LIPI: variants seen among roughly 807,000 people sequenced by gnomAD.
LIPI encodes the protein lipase member I.
LIPI carries 59 observed loss-of-function variants against 50.6 expected under a neutral mutation model. The observed-to-expected ratio is 1.16, with a 90% CI of 0.94 to 1.45. LIPI has a LOEUF of 1.45. Ranked by LOEUF, LIPI falls within the 40% of genes most tolerant of loss-of-function variation. LIPI has a pLI of 0.00. For missense variants in LIPI, 586 were observed against 536.3 expected, an observed-to-expected ratio of 1.09 and a Z score of -0.92; for synonymous variants, 203 against 178.2, an observed-to-expected ratio of 1.14 and a Z score of -1.11.
chr21:14,157,605 G>C (rs192105373), intron 7 of LIPI, among the ~76,000 whole-genome samples: 2 of 151,830 alleles, frequency 1.3e-5, no homozygotes, highest in Non-Finnish European at 2.9e-5. Context: ...CCTGGAAAAC[G>C]TCTACAAACA....
intron 1 of LIPI, among the ~76,000 whole-genome samples, chr21:14,209,237 C>T (rs79018388): frequency 0.02 from 3,058 of 152,236 alleles, 103 homozygotes; most frequent in African/African-American, 0.07. Flanking sequence ...CTCTCCTCTC[C>T]CATTTTATTC....
chr21:14,172,926 A>G (rs1357133623), intron 4 of LIPI, among the ~76,000 whole-genome samples: 1 of 152,216 alleles, frequency 6.6e-6, no homozygotes, highest in Non-Finnish European at 1.5e-5. Context: ...AGTCGAAAAT[A>G]CTTTATAGTG....
chr21:14,193,565 A>G (rs543193112), intron 1 of LIPI, among the ~76,000 whole-genome samples: 7 of 152,300 alleles, frequency 4.6e-5, no homozygotes, highest in Admixed American at 6.5e-5. Flanking sequence ...TATTCAATGC[A>G]AAATGTAACT....
intron 8 of LIPI, among the ~76,000 whole-genome samples, chr21:14,150,403 TG>T (rs1212573831): frequency 6.6e-6 from 1 of 152,224 alleles, no homozygotes; most frequent in Non-Finnish European, 1.5e-5. Flanking sequence ...GATTCTTCTC[TG>T]GGCTCCAACA....
chr21:14,167,732 G>C (rs2018743313), intron 4 of LIPI, among the ~76,000 whole-genome samples: 1 of 152,012 alleles, frequency 6.6e-6, no homozygotes, highest in Non-Finnish European at 1.5e-5. Context: ...CATCATCAAA[G>C]ACCAAAAGTA....
chr21:14,172,601 T>C (rs1221206216), intron 4 of LIPI, among the ~76,000 whole-genome samples: 3 of 149,594 alleles, frequency 2.0e-5, no homozygotes, highest in African/African-American at 4.9e-5. Flanking sequence ...TCATTCTCGG[T>C]AAACTATCGC....
intron 9 of LIPI, among the ~76,000 whole-genome samples, chr21:14,127,891 G>C (rs564787093): frequency 2.6e-5 from 4 of 152,066 alleles, no homozygotes. Context: ...CATATGTATA[G>C]ATATTAACTA....
intron 9 of LIPI, among the ~76,000 whole-genome samples, chr21:14,122,991 G>A (rs530904764): frequency 7.7e-4 from 118 of 152,288 alleles, no homozygotes; most frequent in Non-Finnish European, 1.3e-3. Context: ...TCAGCTAGCT[G>A]AAAGTATTGC....
chr21:14,172,261 T>C (rs2018940475), intron 4 of LIPI, among the ~76,000 whole-genome samples: 7 of 151,838 alleles, frequency 4.6e-5, no homozygotes, highest in Admixed American at 2.0e-4. Context: ...ACTTTTACAC[T>C]GTTGGTGGAA....
intron 1 of LIPI, chr21:14,206,946 C>T: frequency 7.0e-7 from 1 of 1,435,740 alleles, no homozygotes; most frequent in Non-Finnish European, 9.8e-7. Flanking sequence ...ATCAGAAGTT[C>T]ACTAGCTCTT....
At chr21:14,161,261 C>T (rs2018450756) in intron 7 of LIPI, among the ~76,000 whole-genome samples, 1 of 149,154 alleles carries the variant, frequency 6.7e-6, no homozygotes, top group Non-Finnish European at 1.5e-5. Context: ...GTGGCACATC[C>T]TGTATCTATG....
At chr21:14,177,561 ATTTTCTTGCTTC>A (rs2019138590) in intron 4 of LIPI, among the ~76,000 whole-genome samples, 2 of 151,628 alleles carry the variant, frequency 1.3e-5, no homozygotes, top group South Asian at 4.2e-4. Context: ...TTTGTCCTTC[ATTTTCTTGCTTC>A]TTTTCTTGCT....
At chr21:14,130,225 A>G (rs192916725) in intron 9 of LIPI, among the ~76,000 whole-genome samples, 99 of 152,310 alleles carry the variant, frequency 6.5e-4, no homozygotes, top group Non-Finnish European at 1.2e-3. Flanking sequence ...CTGTAACCCC[A>G]GCTGTTTGGG....
chr21:14,138,181 C>T (rs2017574623), intron 9 of LIPI, among the ~76,000 whole-genome samples: 1 of 151,342 alleles, frequency 6.6e-6, no homozygotes, highest in African/African-American at 2.4e-5. Flanking sequence ...AAATATGCAC[C>T]TGAACCCCCT....
intron 1 of LIPI, among the ~76,000 whole-genome samples, chr21:14,199,388 C>G (rs374961859): frequency 6.6e-6 from 1 of 151,274 alleles, no homozygotes; most frequent in East Asian, 1.9e-4. Context: ...GTCAAATAAA[C>G]GGAATCAGTA....
At chr21:14,133,826 C>T (rs943706196) in intron 9 of LIPI, among the ~76,000 whole-genome samples, 1 of 152,170 alleles carries the variant, frequency 6.6e-6, no homozygotes, top group African/African-American at 2.4e-5. Flanking sequence ...TGTTTCTATA[C>T]ATCAATAATG....
chr21:14,163,389 G>T, intron 7 of LIPI, 30 bp downstream of exon 7: 1 of 1,064,246 alleles, frequency 9.4e-7, no homozygotes. Context: ...CTAAAAATTT[G>T]TTTATTTGTT....
intron 7 of LIPI, among the ~76,000 whole-genome samples, chr21:14,153,398 A>G (rs2123100860): frequency 6.6e-6 from 1 of 152,326 alleles, no homozygotes; most frequent in Non-Finnish European, 1.5e-5. Flanking sequence ...GTTACCTCAC[A>G]GCCTTAGGCA....
chr21:14,179,812 T>G (rs1398052008), intron 4 of LIPI, among the ~76,000 whole-genome samples: 1 of 152,148 alleles, frequency 6.6e-6, no homozygotes, highest in African/African-American at 2.4e-5. Flanking sequence ...TTGTAAAACA[T>G]ATGCGTTTGA....
Sources: allele counts gnomAD v4.1 joint callset (sites outside exome capture counted in the v4.1 genomes callset), GRCh38; gene constraint gnomAD v4.1.1; transcripts MANE v1.5; gene names NCBI Gene and HGNC (gene_info 2026-07-23, HGNC 2026-07-21).